The following MCF2L2 variants were observed in gnomAD, a reference collection of about 807,000 sequenced individuals.
MCF2L2 encodes MCF.2 cell line derived transforming sequence-like 2, also known as probable guanine nucleotide exchange factor MCF2L2.
A neutral mutation model predicts 150.2 loss-of-function variants in MCF2L2; 102 were observed. The ratio of observed to expected loss-of-function variants is 0.68; its 90% confidence interval spans 0.58 to 0.80. The LOEUF (loss-of-function observed/expected upper bound fraction) is 0.80. Among genes scored for constraint, MCF2L2 ranks in the 30% least tolerant of loss-of-function variants. MCF2L2 has a pLI of 0.00. For missense variants in MCF2L2, 1,256 were observed against 1,372.8 expected, an observed-to-expected ratio of 0.91 and a Z score of 1.34; for synonymous variants, 465 against 491.3, an observed-to-expected ratio of 0.95 and a Z score of 0.71.
chr3:183,219,997 C>G (rs934274279), intron 20 of MCF2L2, 73 bp from the exon 21 acceptor site: 31 of 1,090,582 alleles, frequency 2.8e-5, no homozygotes, highest in Non-Finnish European at 4.4e-5. Context: ...TCAACAAAAT[C>G]TACTGTGCAA....
chr3:183,333,088 C>T (rs1437217471), intron 5 of MCF2L2, among the ~76,000 whole-genome samples: 3 of 151,942 alleles, frequency 2.0e-5, no homozygotes, highest in African/African-American at 7.3e-5. Context: ...GCTCTGTCGC[C>T]CAGGTTGGAG....
At position 183,346,026 on chromosome 3, in the gene MCF2L2, T is replaced by C. The variant is rs767758006; in HGVS notation, c.276-4396A>G. Among the ~76,000 whole-genome samples, 20 of 152,304 alleles carry C rather than the reference T, an allele frequency of 1.3e-4. 1 individual carries two copies. The Middle Eastern group carries it at 0.01, about 78-fold the overall frequency. On this transcript the variant is annotated intron_variant, in intron 3 of 29. Coordinates refer to ENST00000328913, the MANE Select transcript of MCF2L2 (RefSeq NM_015078.4). Reference sequence around the variant, plus strand: ...GCTAGTACCATTTCTTCTGAAACTATTCCAAACAATAGAAAAAGAGGGACT... The same window carrying C: ...GCTAGTACCATTTCTTCTGAAACTACTCCAAACAATAGAAAAAGAGGGACT...
intron 5 of MCF2L2, among the ~76,000 whole-genome samples, chr3:183,332,283 C>T (rs1168167530): frequency 6.6e-6 from 1 of 152,104 alleles, no homozygotes; most frequent in African/African-American, 2.4e-5. Flanking sequence ...TGGTTACTTA[C>T]GGAGTGAACT....
intron 15 of MCF2L2, chr3:183,271,704 A>G (rs1440568919): frequency 6.0e-6 from 1 of 167,022 alleles, no homozygotes; most frequent in African/African-American, 2.4e-5. Context: ...CTAGGGAGAA[A>G]CCATTGTTAA....
chr3:183,245,701 T>G (rs1724220808), intron 15 of MCF2L2, among the ~76,000 whole-genome samples: 1 of 152,188 alleles, frequency 6.6e-6, no homozygotes, highest in Non-Finnish European at 1.5e-5. Flanking sequence ...TGTTTCCTGA[T>G]TATAAAATAA....
At chr3:183,244,866 T>C (rs1159792835) in intron 15 of MCF2L2, among the ~76,000 whole-genome samples, 2 of 151,912 alleles carry the variant, frequency 1.3e-5, no homozygotes, top group African/African-American at 2.4e-5. Context: ...TCTTGGCCTA[T>C]GTTTGGGGTG....
intron 1 of MCF2L2, among the ~76,000 whole-genome samples, chr3:183,417,358 G>A (rs1213643799): frequency 1.3e-5 from 2 of 152,134 alleles, no homozygotes; most frequent in Admixed American, 6.6e-5. Flanking sequence ...AACTTATGAT[G>A]AAGTTACATC....
intron 6 of MCF2L2, among the ~76,000 whole-genome samples, chr3:183,322,721 T>C (rs1177627004): frequency 6.6e-6 from 1 of 152,154 alleles, no homozygotes; most frequent in African/African-American, 2.4e-5. Flanking sequence ...TGGGGTACAG[T>C]TGATCCTGTC....
chr3:183,414,375 C>T (rs952627760), intron 1 of MCF2L2, among the ~76,000 whole-genome samples: 1 of 152,082 alleles, frequency 6.6e-6, no homozygotes, highest in African/African-American at 2.4e-5. Context: ...TATAGTTATT[C>T]GTATTATTCC....
chr3:183,346,921 T>C (rs144427245), intron 3 of MCF2L2, among the ~76,000 whole-genome samples: 141 of 152,170 alleles, frequency 9.3e-4, no homozygotes, highest in African/African-American at 3.2e-3. Context: ...CCCAAACAAA[T>C]GGAAAAACAT....
At chr3:183,211,149 G>A (rs1317288) in intron 22 of MCF2L2, among the ~76,000 whole-genome samples, 4,028 of 152,244 alleles carry the variant, frequency 0.026, 187 homozygotes, top group African/African-American at 0.091. Flanking sequence ...TGGTAAGAGG[G>A]GGGGCGAGCA....
intron 2 of MCF2L2, among the ~76,000 whole-genome samples, chr3:183,384,292 C>T (rs1225507522): frequency 6.6e-6 from 1 of 152,206 alleles, no homozygotes; most frequent in African/African-American, 2.4e-5. Context: ...TTTAAACAAA[C>T]ATGGTAACAG....
chr3:183,337,691 C>T (rs971103480), intron 5 of MCF2L2, among the ~76,000 whole-genome samples: 2 of 152,094 alleles, frequency 1.3e-5, no homozygotes, highest in Admixed American at 1.3e-4. Context: ...CCCCTATTGT[C>T]AAGCATTACG....
chr3:183,202,597 A>C (rs1239295743), intron 25 of MCF2L2, among the ~76,000 whole-genome samples: 1 of 152,236 alleles, frequency 6.6e-6, no homozygotes, highest in Non-Finnish European at 1.5e-5. Flanking sequence ...CCCTTGGCAA[A>C]GACTAGAAGA....
intron 25 of MCF2L2, among the ~76,000 whole-genome samples, chr3:183,199,621 CTTT>C (rs1163310933): frequency 9.0e-4 from 128 of 141,636 alleles, no homozygotes; most frequent in African/African-American, 3.0e-3. Context: ...TTTTTTTTTC[CTTT>C]TTTTTTTTTT....
At chr3:183,256,641 C>G (rs1286539001) in intron 15 of MCF2L2, among the ~76,000 whole-genome samples, 2 of 152,170 alleles carry the variant, frequency 1.3e-5, no homozygotes, top group Non-Finnish European at 2.9e-5. Flanking sequence ...GTTCTACAGC[C>G]TAAGATCCAC....
At chr3:183,233,163 C>T (rs1723637260) in intron 15 of MCF2L2, among the ~76,000 whole-genome samples, 1 of 152,048 alleles carries the variant, frequency 6.6e-6, no homozygotes, top group Non-Finnish European at 1.5e-5. Flanking sequence ...CCAGCCTGGC[C>T]AACATGGTGA....
chr3:183,323,249 C>A lies in MCF2L2; in HGVS notation c.589G>T (p.Val197Leu). 1 of 1,611,382 alleles carries A rather than the reference C, an allele frequency of 6.2e-7. No individual in the cohort carries two copies. Among genetic ancestry groups the A allele is most frequent in the Non-Finnish European group, 8.5e-7 (1 of 1,177,768 alleles). The change falls in exon 6 of 30, where the codon GTA becomes TTA. Residue 197 changes from valine (V) to leucine (L), a missense_variant. By Grantham distance (32) the Val-to-Leu change is conservative (BLOSUM62 1). Transcript: ENST00000328913. ...CTGGTACTCACAGTGCGGTGATTTA[C>A]CCACTGACCGTGGCGATATTCCAAA... ...GTLEYRHGQW[V>L]NHRTAIENFA...
At position 183,270,205 on chromosome 3, in the gene MCF2L2, C is replaced by T; in HGVS notation, c.1862+6667G>A. The T allele has an allele frequency of 6.2e-7, 1 of 1,614,122 alleles. No homozygotes were observed. The highest frequency in any genetic ancestry group is 8.5e-7 in the Non-Finnish European group (1 of 1,180,020). ...CTGTTTGCCTTAGGAACTCCTAATC[C>T]ACTGGAGGGAGAAGAACTACAAAGA... is the stretch of plus-strand genomic sequence containing the variant. On this transcript the variant is annotated intron_variant, in intron 15 of 29. Coordinates refer to ENST00000328913, the MANE Select transcript of MCF2L2 (RefSeq NM_015078.4). The surrounding 1 kb of genome is among the most constrained non-coding windows in gnomAD (Gnocchi z 4.5).
Sources: allele counts gnomAD v4.1 joint callset (sites outside exome capture counted in the v4.1 genomes callset), GRCh38; gene constraint gnomAD v4.1.1; non-coding constraint Gnocchi (gnomAD v3.1); transcripts MANE v1.5; gene names NCBI Gene and HGNC (gene_info 2026-07-23, HGNC 2026-07-21).